The following AGBL4 variants were observed in gnomAD, a reference collection of about 807,000 sequenced individuals.
AGBL4 encodes AGBL carboxypeptidase 4.
AGBL4 carries 58 observed loss-of-function variants against 66.4 expected under a neutral mutation model. The observed-to-expected ratio is 0.87, with a 90% CI of 0.71 to 1.09. The LOEUF is 1.09. AGBL4 is among the 50% of genes least tolerant of loss of function. The pLI is 0.00. For missense variants in AGBL4, 579 were observed against 631.0 expected (o/e 0.92, Z 0.88); for synonymous variants, 234 against 222.9 (o/e 1.05, Z -0.44).
In AGBL4 at chr1:49,219,619, T is replaced by A. The variant is rs570167363; in HGVS notation, c.377+26151A>T. On this transcript the variant is annotated intron_variant, in intron 4 of 13. Coordinates refer to ENST00000371839, the MANE Select transcript of AGBL4 (RefSeq NM_032785.4). ...AGACATAAAAGAAAACCTCCCATCA[T>A]ATAGCAATGTCCAGAATCCCTAAAT... 3.9e-5 allele frequency among the ~76,000 whole-genome samples: 6 copies of A among 152,286 alleles called. No individual in the cohort carries two copies. The South Asian group carries it at 1.2e-3, about 32-fold the overall frequency.
At chr1:49,883,511 A>C (rs1457955079) in intron 1 of AGBL4, among the ~76,000 whole-genome samples, 1 of 152,094 alleles carries the variant, frequency 6.6e-6, no homozygotes, top group Non-Finnish European at 1.5e-5. Context: ...AGAAGAGTCT[A>C]ATCTCTTTTT....
chr1:49,567,130 G>C lies in AGBL4; in HGVS notation c.282+130183C>G, dbSNP rs539096782. On this transcript the variant is annotated intron_variant, in intron 3 of 13. Transcript: ENST00000371839. ...GCAGGATATAATCTCCTAGTGTGCC[G>C]TTTGTTAAGACCATTGGAAAAGTGC... is the stretch of plus-strand genomic sequence containing the variant. 3.9e-5 allele frequency among the ~76,000 whole-genome samples: 6 copies of C among 152,346 alleles called. No homozygotes were observed. In the East Asian group the frequency reaches 1.2e-3, roughly 29 times the overall value.
At chr1:48,793,655 C>T (rs577521346) in intron 6 of AGBL4, among the ~76,000 whole-genome samples, 1 of 152,244 alleles carries the variant, frequency 6.6e-6, no homozygotes, top group South Asian at 2.1e-4. Context: ...ACTGTTGCCA[C>T]CCATTGATAA....
chr1:48,783,377 G>C, intron 6 of AGBL4, among the ~76,000 whole-genome samples: 1 of 152,124 alleles, frequency 6.6e-6, no homozygotes, highest in Non-Finnish European at 1.5e-5. Context: ...GCAATGCAGA[G>C]GGGGAAGGAA....
At chr1:48,740,359 T>C (rs1054814138) in intron 6 of AGBL4, among the ~76,000 whole-genome samples, 1 of 152,224 alleles carries the variant, frequency 6.6e-6, no homozygotes, top group African/African-American at 2.4e-5. Flanking sequence ...TAACCTGTTA[T>C]GTAATTATAG....
At chr1:49,569,614 T>A (rs1451687288) in intron 3 of AGBL4, among the ~76,000 whole-genome samples, 3 of 152,304 alleles carry the variant, frequency 2.0e-5, no homozygotes, top group Non-Finnish European at 4.4e-5. Flanking sequence ...ATTTATTGGG[T>A]ACAAATGCAA....
At chr1:49,419,801 A>G (rs1269677708) in intron 3 of AGBL4, among the ~76,000 whole-genome samples, 1 of 152,224 alleles carries the variant, frequency 6.6e-6, no homozygotes, top group African/African-American at 2.4e-5. Context: ...AGCTGGAGAC[A>G]AGGTTGGTGA....
At chr1:49,225,288 A>G (rs1171588342) in intron 4 of AGBL4, among the ~76,000 whole-genome samples, 1 of 152,240 alleles carries the variant, frequency 6.6e-6, no homozygotes, top group Non-Finnish European at 1.5e-5. Context: ...TCAACATAGA[A>G]AATATCTGTG....
chr1:49,647,624 T>C (rs1039602963), intron 3 of AGBL4, among the ~76,000 whole-genome samples: 4 of 151,762 alleles, frequency 2.6e-5, no homozygotes, highest in African/African-American at 9.7e-5. Context: ...AGGGGGAGGG[T>C]GAAATAACCA....
At chr1:49,959,984 G>C (rs972189603) in intron 1 of AGBL4, among the ~76,000 whole-genome samples, 3 of 151,812 alleles carry the variant, frequency 2.0e-5, no homozygotes, top group African/African-American at 7.3e-5. Flanking sequence ...TGAATACTAG[G>C]AGGGGAACAA....
In AGBL4 at chr1:50,023,825, C is replaced by A. The variant is rs993867220; in HGVS notation, c.-29G>T. 1.9e-6 allele frequency: 3 copies of A among 1,546,164 alleles called. No homozygotes were observed. The highest frequency in any genetic ancestry group is 4.0e-5 in the Admixed American group (2 of 50,244). On this transcript the variant is annotated 5_prime_UTR_variant, in exon 1 of 14. Transcript: ENST00000371839. ...TGTTGTCCCTCAGTCTCCGAGCTCA[C>A]GCGAAGACCGCGGGGCAGTAGGGAG...
chr1:48,909,367 C>T (rs1053895541), intron 5 of AGBL4, among the ~76,000 whole-genome samples: 1 of 152,180 alleles, frequency 6.6e-6, no homozygotes, highest in Non-Finnish European at 1.5e-5. Context: ...GGCAAACTCT[C>T]CTCCCATCTG....
chr1:49,702,740 T>C (rs367674120), intron 2 of AGBL4, among the ~76,000 whole-genome samples: 1 of 152,086 alleles, frequency 6.6e-6, no homozygotes, highest in East Asian at 1.9e-4. Flanking sequence ...AAAAAATGAT[T>C]ATACACCATG....
intron 2 of AGBL4, among the ~76,000 whole-genome samples, chr1:49,699,500 T>C (rs1443961430): frequency 2.0e-5 from 3 of 152,072 alleles, no homozygotes; most frequent in African/African-American, 7.2e-5. Context: ...GTAGGACAAA[T>C]ATAACACAGA....
At chr1:49,595,004 C>T (rs1052535374) in intron 3 of AGBL4, among the ~76,000 whole-genome samples, 2 of 152,176 alleles carry the variant, frequency 1.3e-5, no homozygotes, top group Admixed American at 6.5e-5. Flanking sequence ...AAAAGCGTTC[C>T]TATTTCTCCA....
At chr1:48,556,325 C>CCTGT (rs753318147) in intron 11 of AGBL4, among the ~76,000 whole-genome samples, 1 of 152,166 alleles carries the variant, frequency 6.6e-6, no homozygotes, top group Non-Finnish European at 1.5e-5. Context: ...GGCCAGCTGG[C>CCTGT]CTGTCTGTCT....
chr1:48,976,004 G>A (rs2148958872), intron 5 of AGBL4, among the ~76,000 whole-genome samples: 1 of 152,214 alleles, frequency 6.6e-6, no homozygotes, highest in East Asian at 1.9e-4. Flanking sequence ...ACAGAGAGAT[G>A]GCCAGAAGTA....
At chr1:49,346,808 A>G (rs1251901652) in intron 3 of AGBL4, among the ~76,000 whole-genome samples, 6 of 152,214 alleles carry the variant, frequency 3.9e-5, no homozygotes, top group Admixed American at 2.6e-4. Context: ...AAAGGGGGAA[A>G]TATGTCAGAG....
At chr1:49,057,996 C>CTGGGTAGGGA (rs1164913350) in intron 4 of AGBL4, among the ~76,000 whole-genome samples, 1 of 152,086 alleles carries the variant, frequency 6.6e-6, no homozygotes, top group Non-Finnish European at 1.5e-5. Flanking sequence ...TCTTGCAGAG[C>CTGGGTAGGGA]TGGGTAGGGA....
Sources: gnomAD v4.1 joint callset for allele counts (sites outside exome capture counted in the v4.1 genomes callset) on GRCh38, gnomAD v4.1.1 for gene constraint, MANE v1.5 for transcripts, NCBI Gene and HGNC (gene_info 2026-07-23, HGNC 2026-07-21) for gene names.